KIF13A: variants seen among roughly 807,000 people sequenced by gnomAD.
KIF13A encodes the protein kinesin-like protein KIF13A.
In KIF13A, 79 loss-of-function variants were observed where a neutral mutation model predicts 212.2. The observed-to-expected ratio is 0.37, with a 90% CI of 0.31 to 0.45. KIF13A has a LOEUF of 0.45. Ranked by LOEUF, KIF13A falls within the 20% of genes least tolerant of loss-of-function variation. The probability of loss-of-function intolerance (pLI) is 1.00; values close to 1 mark genes in which losing one functional copy is unlikely to be tolerated. For synonymous variants in KIF13A, 789 were observed against 808.6 expected, an observed-to-expected ratio of 0.98 and a Z score of 0.41; for missense variants, 1,901 against 2,209.0, an observed-to-expected ratio of 0.86 and a Z score of 2.79.
rs141348231 is a variant in KIF13A, at chr6:17,831,313, T to A, written c.1267-78A>T. 4.0e-6 allele frequency: 6 copies of A among 1,514,574 alleles called. 1 individual carries two copies. The African/African-American group carries it at 8.3e-5, about 21-fold the overall frequency. The allele number at this position is 1,514,574 out of a possible 1,614,324, so 93.8% of individuals were successfully genotyped here. On this transcript the variant is annotated intron_variant, in intron 12 of 38. Coordinates refer to ENST00000259711, the MANE Select transcript of KIF13A (RefSeq NM_022113.6). ...AAGATGTATCCACGGAAAGAGTAAGTCACTGTTTCTGGGGACAATGCCAAT... is the reference window on the plus strand; with the variant it reads ...AAGATGTATCCACGGAAAGAGTAAGACACTGTTTCTGGGGACAATGCCAAT...
chr6:17,819,516 C>G (rs928051904), intron 16 of KIF13A, among the ~76,000 whole-genome samples: 19 of 151,862 alleles, frequency 1.3e-4, no homozygotes, highest in Admixed American at 2.6e-4. Context: ...GAGCTGAGAT[C>G]GTGCCACTGC....
chr6:17,767,680 G>A (rs550305036), intron 38 of KIF13A, among the ~76,000 whole-genome samples: 1 of 152,162 alleles, frequency 6.6e-6, no homozygotes, highest in Non-Finnish European at 1.5e-5. Flanking sequence ...CTATAATTAA[G>A]TACTGAAAAG....
intron 3 of KIF13A, among the ~76,000 whole-genome samples, chr6:17,876,162 C>T (rs761106177): frequency 6.6e-6 from 1 of 152,204 alleles, no homozygotes; most frequent in Non-Finnish European, 1.5e-5. Context: ...CCTGGGCTCA[C>T]TGCTATTGCC....
chr6:17,775,178 C>T (rs1487891752), intron 34 of KIF13A, 116 bp from the exon 35 acceptor site: 9 of 741,474 alleles, frequency 1.2e-5, no homozygotes, highest in Non-Finnish European at 2.0e-5. Context: ...TCTTCTCCTC[C>T]TCTTTCTTCC....
In KIF13A at chr6:17,773,560, G is replaced by A; in HGVS notation, c.4242C>T (p.Asp1414=). ...DDKGWPENQL[D]MSDYSSSYQD... is the part of the protein sequence containing the mutation. ...GGTAACTGGAGCTATAGTCAGACAT[G>A]TCCAACTGGTTCTCTGGCCAACCCT... The change falls in exon 36 of 39, where the codon GAC becomes GAT. Residue 1414 remains aspartate (D), a synonymous_variant. Coordinates refer to ENST00000259711, the MANE Select transcript of KIF13A (RefSeq NM_022113.6). The surrounding 1 kb of genome is among the most constrained non-coding windows in gnomAD (Gnocchi z 4.2). 4 of 1,608,680 alleles carry A rather than the reference G, an allele frequency of 2.5e-6. No individual in the cohort carries two copies. The highest frequency in any genetic ancestry group is 3.4e-6 in the Non-Finnish European group (4 of 1,176,022).
Position 17,837,456 on chromosome 6 carries a change from T to C in KIF13A, c.942+16A>G. 6.4e-7 allele frequency: 1 copy of C among 1,557,042 alleles called. No individual in the cohort carries two copies. The highest frequency in any genetic ancestry group is 1.8e-5 in the Admixed American group (1 of 56,372). On this transcript the variant is annotated intron_variant, in intron 10 of 38. Coordinates refer to ENST00000259711, the MANE Select transcript of KIF13A (RefSeq NM_022113.6). The surrounding 1 kb of genome is among the most constrained non-coding windows in gnomAD (Gnocchi z 5.4). Reference sequence around the variant, plus strand: ...CCAATTTTTAGTTGGAAAAGAACACTAGAGCAATGGATTACCTTAAGCAGC... The same window carrying C: ...CCAATTTTTAGTTGGAAAAGAACACCAGAGCAATGGATTACCTTAAGCAGC...
intron 2 of KIF13A, among the ~76,000 whole-genome samples, chr6:17,931,434 T>TA (rs1321087626): frequency 3.3e-5 from 5 of 151,950 alleles, no homozygotes; most frequent in African/African-American, 1.2e-4. Context: ...ACCATGTGTT[T>TA]AGCACCATGT....
chr6:17,931,384 A>G (rs149745067), intron 2 of KIF13A, among the ~76,000 whole-genome samples: 280 of 152,318 alleles, frequency 1.8e-3, no homozygotes, highest in African/African-American at 6.4e-3. Context: ...AAAAGAATCA[A>G]TTCTAACTAA....
At chr6:17,781,684 C>G (rs539976453) in intron 29 of KIF13A, among the ~76,000 whole-genome samples, 1 of 145,754 alleles carries the variant, frequency 6.9e-6, no homozygotes. Flanking sequence ...CTTGAGTGCA[C>G]GGCCTGATCA....
intron 2 of KIF13A, among the ~76,000 whole-genome samples, chr6:17,962,732 CCT>C (rs140139218): frequency 1.3e-5 from 2 of 151,144 alleles, no homozygotes; most frequent in African/African-American, 2.4e-5. Context: ...TTCCTGTGGT[CCT>C]CTCTCTCTCT....
intron 16 of KIF13A, among the ~76,000 whole-genome samples, chr6:17,823,393 T>C (rs1764643237): frequency 6.8e-6 from 1 of 147,968 alleles, no homozygotes; most frequent in African/African-American, 2.5e-5. Context: ...CTGGCTGTCT[T>C]TCTCTCTCTC....
intron 3 of KIF13A, among the ~76,000 whole-genome samples, chr6:17,876,733 C>T (rs1304713691): frequency 6.6e-6 from 1 of 152,168 alleles, no homozygotes; most frequent in Non-Finnish European, 1.5e-5. Context: ...TCAATCAGCT[C>T]AATTGATCCT....
chr6:17,831,038 G>T, intron 13 of KIF13A, 63 bp downstream of exon 13: 1 of 1,488,640 alleles, frequency 6.7e-7, no homozygotes, highest in Non-Finnish European at 9.1e-7. Context: ...CAGGCACCCA[G>T]ATTCAACTAC....
chr6:17,804,428 A>C lies in KIF13A; in HGVS notation c.2387T>G (p.Phe796Cys). The C allele has an allele frequency of 6.4e-7, 1 of 1,570,068 alleles. No individual in the cohort carries two copies. The highest frequency in any genetic ancestry group is 1.9e-5 in the Admixed American group (1 of 53,498). Residue 796 changes from phenylalanine (F) to cysteine (C), a missense_variant, in exon 20 of 39, where the codon TTC becomes TGC. Physicochemically the swap from Phe to Cys is radical, Grantham distance 205. This residue lies in a region of KIF13A where 534 missense variants were observed against 536.9 expected (regional missense o/e 0.99). Transcript: ENST00000259711. ...CACATCACAGAAGAGGCATTCCAAG[A>C]ATACATTCGCCACCCCGATGAGGTT... ...NHNLIGVANV[F>C]LECLFCDVKL...
At chr6:17,924,861 G>A (rs1314635396) in intron 2 of KIF13A, among the ~76,000 whole-genome samples, 1 of 152,162 alleles carries the variant, frequency 6.6e-6, no homozygotes, top group Non-Finnish European at 1.5e-5. Flanking sequence ...AGCTGGGTAT[G>A]AAATGAAAAC....
rs1372287174 is a variant in KIF13A, at chr6:17,771,275, A to G, written c.4477-57T>C. ...ACACAAAGACGACAACGGCCAAAATACATATTAAGTACATGCAAGTTAGAA... is the reference window on the plus strand; with the variant it reads ...ACACAAAGACGACAACGGCCAAAATGCATATTAAGTACATGCAAGTTAGAA... On this transcript the variant is annotated intron_variant, in intron 37 of 38. Transcript: ENST00000259711. This position sits in a 1 kb window ranked among gnomAD's most constrained non-coding sequence, Gnocchi z 5.4. 2 of 1,097,374 alleles carry G rather than the reference A, an allele frequency of 1.8e-6. No individual in the cohort carries two copies. The highest frequency in any genetic ancestry group is 4.9e-5 in the East Asian group (2 of 40,560). The allele number at this position is 1,097,374 out of a possible 1,614,324, so 68.0% of individuals were successfully genotyped here. A position where few individuals can be genotyped will look rare whatever the true frequency, so the allele number is the denominator to read the frequency against.
rs1340049810 is a variant in KIF13A, at chr6:17,843,219, T to C, written c.831-5636A>G. Among the ~76,000 whole-genome samples, 1 of 152,210 alleles carries C rather than the reference T, an allele frequency of 6.6e-6. No homozygotes were observed. Among genetic ancestry groups the C allele is most frequent in the Non-Finnish European group, 1.5e-5 (1 of 68,032 alleles). ...TCTGCAGCGTTAATCTGAATCTAGA[T>C]TCAGTGAAGACCAAAACATGGACCT... is the stretch of plus-strand genomic sequence containing the variant. On this transcript the variant is annotated intron_variant, in intron 9 of 38. Coordinates refer to ENST00000259711, the MANE Select transcript of KIF13A (RefSeq NM_022113.6). This position sits in a 1 kb window ranked among gnomAD's most constrained non-coding sequence, Gnocchi z 5.3.
chr6:17,984,620 T>TCA lies in KIF13A; in HGVS notation c.146+2432_146+2433dup, dbSNP rs1380726794. 4.7e-6 allele frequency: 4 copies of TCA among 846,856 alleles called. No individual in the cohort carries two copies. Among genetic ancestry groups the TCA allele is most frequent in the Non-Finnish European group, 5.7e-6 (4 of 703,840 alleles). The allele number at this position is 846,856 out of a possible 1,614,324, so 52.5% of individuals were successfully genotyped here. A position where few individuals can be genotyped will look rare whatever the true frequency, so the allele number is the denominator to read the frequency against. On this transcript the variant is annotated intron_variant, in intron 2 of 38. Coordinates refer to ENST00000259711, the MANE Select transcript of KIF13A (RefSeq NM_022113.6). This position sits in a 1 kb window ranked among gnomAD's most constrained non-coding sequence, Gnocchi z 5.0. ...TTTTTCCCTGGACGTCAATGCATTC[T>TCA]CACTTGTTTTTACTGGTAAGACTGA...
Position 17,856,185 on chromosome 6 carries a change from TTAGTAACAATATTATGTCAA to T in KIF13A, c.221-83_221-64del. ...AATAATTTTTCTTGACATATTTGTG[TTAGTAACAATATTATGTCAA>T]TTCAAAAAAATGTTAAAAGTGTAGT... On this transcript the variant is annotated intron_variant, in intron 4 of 38. Coordinates refer to ENST00000259711, the MANE Select transcript of KIF13A (RefSeq NM_022113.6). The surrounding 1 kb of genome is among the most constrained non-coding windows in gnomAD (Gnocchi z 4.5). 1 of 1,132,424 alleles carries T rather than the reference TTAGTAACAATATTATGTCAA, an allele frequency of 8.8e-7. No individual in the cohort carries two copies. The highest frequency in any genetic ancestry group is 1.3e-5 in the South Asian group (1 of 74,972). The allele number at this position is 1,132,424 out of a possible 1,614,324, so 70.1% of individuals were successfully genotyped here.
Sources: allele counts gnomAD v4.1 joint callset (sites outside exome capture counted in the v4.1 genomes callset), GRCh38; gene constraint gnomAD v4.1.1; regional missense constraint gnomAD v4.1.1; non-coding constraint Gnocchi (gnomAD v3.1); transcripts MANE v1.5; gene names NCBI Gene and HGNC (gene_info 2026-07-23, HGNC 2026-07-21).